The following IRX1 variants were observed in gnomAD, a reference collection of about 807,000 sequenced individuals.
IRX1 encodes iroquois-class homeodomain protein IRX-1.
A neutral mutation model predicts 34.1 loss-of-function variants in IRX1; 22 were observed. That is an observed-to-expected ratio of 0.64 (90% CI 0.46 to 0.92). IRX1 has a LOEUF of 0.92. Ranked by LOEUF, IRX1 falls within the 40% of genes least tolerant of loss-of-function variation. IRX1 has a pLI of 0.00. For synonymous variants in IRX1, 363 were observed against 319.0 expected (o/e 1.14, Z -1.47); for missense variants, 758 against 680.0 (o/e 1.11, Z -1.28).
chr5:3,599,577 C>A lies in IRX1; in HGVS notation c.629C>A (p.Thr210Asn). 6.2e-7 allele frequency: 1 copy of A among 1,614,142 alleles called. No individual in the cohort carries two copies. The stretch of plus-strand genomic sequence containing the variant: ...GATGGAGCGCTCTTCGGCAGCGACA[C>A]CGAGGGCGACCCGGAGAAGGCCGAG... The part of the protein sequence containing the change: ...QEDGALFGSD[T>N]EGDPEKAEDD... The change falls in exon 2 of 4, where the codon ACC (threonine) becomes AAC (asparagine). Residue 210 changes from threonine to asparagine, a missense_variant. This residue lies in a region of IRX1 where 529 missense variants were observed against 418.8 expected (regional missense o/e 1.26). Coordinates refer to ENST00000302006, the MANE Select transcript of IRX1 (RefSeq NM_024337.4). This position sits in a 1 kb window ranked among gnomAD's most constrained non-coding sequence, Gnocchi z 6.6.
chr5:3,597,132 T>C (rs1345262134), intron 1 of IRX1, among the ~76,000 whole-genome samples: 3 of 152,202 alleles, frequency 2.0e-5, no homozygotes, highest in African/African-American at 7.2e-5. Context: ...TAATGGAGGA[T>C]TAAAGAAAAC....
chr5:3,600,370 G>T, intron 2 of IRX1, 110 bp downstream of exon 2: 2 of 1,118,482 alleles, frequency 1.8e-6, no homozygotes, highest in Non-Finnish European at 2.5e-6. Flanking sequence ...GGCAGTGGCC[G>T]CTGAGCCCTG....
intron 1 of IRX1, among the ~76,000 whole-genome samples, chr5:3,597,428 G>T (rs572141647): frequency 1.4e-4 from 21 of 152,324 alleles, no homozygotes; most frequent in Middle Eastern, 3.4e-3. Context: ...CCCGCTCCCC[G>T]CAGGAGAAGC....
Position 3,599,202 on chromosome 5 carries a change from A to T in IRX1, c.277-23A>T, listed in dbSNP as rs565251270. On this transcript the variant is annotated intron_variant, in intron 1 of 3. Transcript: ENST00000302006. The surrounding 1 kb of genome is among the most constrained non-coding windows in gnomAD (Gnocchi z 6.6). ...TCCACTTCCCTCCTCTCTCTCCTCG[A>T]TGGATCTGCCCTGTGGCTTCAGGGC... is the stretch of plus-strand genomic sequence containing the variant. 2 of 1,596,202 alleles carry T rather than the reference A, an allele frequency of 1.3e-6. No individual in the cohort carries two copies. Among genetic ancestry groups the T allele is most frequent in the East Asian group, 2.2e-5 (1 of 44,496 alleles).
Position 3,600,206 on chromosome 5 carries a change from C to A in IRX1, c.1258C>A (p.Pro420Thr). 1 of 1,611,084 alleles carries A rather than the reference C, an allele frequency of 6.2e-7. No homozygotes were observed. The highest frequency in any genetic ancestry group is 8.5e-7 in the Non-Finnish European group (1 of 1,179,212). The change falls in exon 2 of 4, where the codon CCG becomes ACG. Residue 420 changes from proline (P) to threonine (T), a missense_variant. This residue lies in a region of IRX1 where 529 missense variants were observed against 418.8 expected (regional missense o/e 1.26). Transcript: ENST00000302006. ...ACCGCAGCCGCCGGTCGCTATTGCC[C>A]CGGGGGCACTCAATGGAGACAAGGC... ...PPPQPPVAIA[P>T]GALNGDKASV...
chr5:3,596,191 C>G lies in IRX1; in HGVS notation c.86C>G (p.Ala29Gly). The change falls in exon 1 of 4, where the codon GCC (alanine) becomes GGC (glycine). Residue 29 changes from alanine (A) to glycine (G), a missense_variant. Ala to Gly is a moderately conservative substitution (Grantham distance 60). Transcript: ENST00000302006. ...AYGGERPGVL[A>G]AAAAAAAAAS... is the part of the protein sequence containing the mutation. ...GGCGGCGAGCGCCCGGGGGTGCTGG[C>G]CGCGGCCGCTGCGGCGGCTGCCGCC... 5.8e-6 allele frequency: 6 copies of G among 1,031,024 alleles called. No individual in the cohort carries two copies. Among genetic ancestry groups the G allele is most frequent in the Non-Finnish European group, 7.0e-6 (6 of 861,634 alleles). 63.9% of individuals were successfully genotyped at this position (1,031,024 alleles called of 1,614,324 possible).
rs1403888330 is a variant in IRX1 at position 3,599,187 on chromosome 5, T to A, written c.277-38T>A. ...CTCTCCCTTTCTCTCTCCACTTCCC[T>A]CCTCTCTCTCCTCGATGGATCTGCC... On this transcript the variant is annotated intron_variant, in intron 1 of 3. Transcript: ENST00000302006. This position sits in a 1 kb window ranked among gnomAD's most constrained non-coding sequence, Gnocchi z 6.6. 1.3e-6 allele frequency: 2 copies of A among 1,572,974 alleles called. No individual in the cohort carries two copies. Among genetic ancestry groups the A allele is most frequent in the Admixed American group, 3.5e-5 (2 of 57,928 alleles).
rs1359663666 is a variant in IRX1 at position 3,600,599 on chromosome 5, T to C, written c.1313-10T>C. 1.2e-6 allele frequency: 2 copies of C among 1,612,394 alleles called. No individual in the cohort carries two copies. Among genetic ancestry groups the C allele is most frequent in the Non-Finnish European group, 8.5e-7 (1 of 1,178,854 alleles). ...TCCGTCCTAACTCTGCCTCTTCCGA[T>C]CTCTCGCAGAGAGAGACCTCGTCCC... On this transcript the variant is annotated splice_polypyrimidine_tract_variant and intron_variant, in intron 2 of 3. Transcript: ENST00000302006.
chr5:3,596,129 C>G lies in IRX1; in HGVS notation c.24C>G (p.Tyr8Ter). The change falls in exon 1 of 4, where the codon TAC (tyrosine) becomes TAG (stop). Residue 8 changes from tyrosine to a stop codon, truncating the protein, a stop_gained. Coordinates refer to ENST00000302006, the MANE Select transcript of IRX1 (RefSeq NM_024337.4). LOFTEE classifies it high-confidence loss of function. The part of the protein sequence containing the change: MSFPQLG[Y>*]PQYLSAAGPG... ...ACATGTCCTTCCCGCAGCTGGGCTA[C>G]CCGCAGTACCTGAGCGCCGCGGGGC... 9.5e-7 allele frequency: 1 copy of G among 1,049,904 alleles called. No homozygotes were observed. Among genetic ancestry groups the G allele is most frequent in the Non-Finnish European group, 1.1e-6 (1 of 872,570 alleles). The allele number at this position is 1,049,904 out of a possible 1,614,324, so 65.0% of individuals were successfully genotyped here. A position where few individuals can be genotyped will look rare whatever the true frequency, so the allele number is the denominator to read the frequency against.
chr5:3,599,846 G>A lies in IRX1; in HGVS notation c.898G>A (p.Gly300Ser). ...GGGCAGCACGCGCCTGCTGAGCCCC[G>A]GCGCTGCAGCGGGCGGCCTGCAGGG... ...EPGSTRLLSP[G>S]AAAGGLQGAP... Residue 300 changes from glycine (G) to serine (S), a missense_variant, in exon 2 of 4, where the codon GGC becomes AGC. Gly to Ser is a moderately conservative substitution (Grantham distance 56). Transcript: ENST00000302006. The surrounding 1 kb of genome is among the most constrained non-coding windows in gnomAD (Gnocchi z 6.6). 2 of 1,538,184 alleles carry A rather than the reference G, an allele frequency of 1.3e-6. No individual in the cohort carries two copies. Among genetic ancestry groups the A allele is most frequent in the Non-Finnish European group, 8.7e-7 (1 of 1,145,478 alleles).
intron 1 of IRX1, among the ~76,000 whole-genome samples, 160 bp downstream of exon 1, chr5:3,596,541 G>T (rs1232971556): frequency 6.6e-6 from 1 of 151,894 alleles, no homozygotes; most frequent in Non-Finnish European, 1.5e-5. Context: ...CGCGGCCCCC[G>T]GGGACGCAAG....
chr5:3,600,917 C>A, intron 3 of IRX1, 66 bp from the exon 4 acceptor site: 1 of 1,526,510 alleles, frequency 6.6e-7, no homozygotes. Context: ...GAACCGGCGT[C>A]GCCCGGCGCT....
chr5:3,596,094 G>A lies in IRX1; in HGVS notation c.-12G>A, dbSNP rs1743682459. 1 of 1,064,572 alleles carries A rather than the reference G, an allele frequency of 9.4e-7. No homozygotes were observed. Among genetic ancestry groups the A allele is most frequent in the East Asian group, 6.5e-5 (1 of 15,460 alleles). The allele number at this position is 1,064,572 out of a possible 1,614,324, so 65.9% of individuals were successfully genotyped here. ...ATACTCGCCCGCTGCGGCGGTCGCC[G>A]AGTCCGCGGACATGTCCTTCCCGCA... On this transcript the variant is annotated 5_prime_UTR_variant, in exon 1 of 4. Transcript: ENST00000302006.
In IRX1 at chr5:3,596,092, C is replaced by T; in HGVS notation, c.-14C>T. ...TAATACTCGCCCGCTGCGGCGGTCGCCGAGTCCGCGGACATGTCCTTCCCG... is the reference window on the plus strand; with the variant it reads ...TAATACTCGCCCGCTGCGGCGGTCGTCGAGTCCGCGGACATGTCCTTCCCG... On this transcript the variant is annotated 5_prime_UTR_variant, in exon 1 of 4. Coordinates refer to ENST00000302006, the MANE Select transcript of IRX1 (RefSeq NM_024337.4). The T allele has an allele frequency of 9.4e-7, 1 of 1,066,678 alleles. No homozygotes were observed. The allele number at this position is 1,066,678 out of a possible 1,614,324, so 66.1% of individuals were successfully genotyped here.
rs370233658 is a variant in IRX1, at chr5:3,599,712, C to T, written c.764C>T (p.Pro255Leu). The change falls in exon 2 of 4, where the codon CCC (proline) becomes CTC (leucine). Residue 255 changes from proline to leucine, a missense_variant. Pro to Leu is a moderately conservative substitution (Grantham distance 98). This residue lies in a region of IRX1 where 529 missense variants were observed against 418.8 expected (regional missense o/e 1.26). Coordinates refer to ENST00000302006, the MANE Select transcript of IRX1 (RefSeq NM_024337.4). The surrounding 1 kb of genome is among the most constrained non-coding windows in gnomAD (Gnocchi z 6.6). ...DEDKAEAPHA[P>L]AAPSALARDQ... ...GACAAGGCCGAGGCTCCGCACGCGC[C>T]CGCAGCCCCTTCTGCTCTTGCCCGG... is the stretch of plus-strand genomic sequence containing the variant. The T allele has an allele frequency of 5.5e-5, 88 of 1,612,768 alleles. No homozygotes were observed. Among genetic ancestry groups the T allele is most frequent in the Non-Finnish European group, 7.0e-5 (83 of 1,179,996 alleles).
chr5:3,599,389 C>A lies in IRX1; in HGVS notation c.441C>A (p.Asn147Lys). The change falls in exon 2 of 4, where the codon AAC becomes AAA. Residue 147 changes from asparagine (N) to lysine (K), a missense_variant. Asn to Lys is a moderately conservative substitution (Grantham distance 94). Around this residue, in one of 3 missense-constraint regions of IRX1, gnomAD observed 34 missense variants for 66.2 expected, o/e 0.51. Coordinates refer to ENST00000302006, the MANE Select transcript of IRX1 (RefSeq NM_024337.4). The surrounding 1 kb of genome is among the most constrained non-coding windows in gnomAD (Gnocchi z 6.6). ...ESTSTLKAWLNEHRKNPYPTK... is the reference protein window; with the variant it reads ...ESTSTLKAWLKEHRKNPYPTK... ...CCAGCACGCTCAAGGCCTGGCTCAA[C>A]GAGCACCGCAAGAATCCCTACCCCA... 1 of 1,614,112 alleles carries A rather than the reference C, an allele frequency of 6.2e-7. No individual in the cohort carries two copies. The highest frequency in any genetic ancestry group is 8.5e-7 in the Non-Finnish European group (1 of 1,180,030).
At position 3,600,229 on chromosome 5, in the gene IRX1, G is replaced by A; in HGVS notation, c.1281G>A (p.Lys427=). ...CCCCGGGGGCACTCAATGGAGACAAGGCCTCGGTCCGCAGCAGCCCCACGC... is the reference window on the plus strand; with the variant it reads ...CCCCGGGGGCACTCAATGGAGACAAAGCCTCGGTCCGCAGCAGCCCCACGC... ...AIAPGALNGD[K]ASVRSSPTLP... is the part of the protein sequence containing the mutation. The change falls in exon 2 of 4, where the codon AAG becomes AAA. Residue 427 remains lysine (K), a synonymous_variant. Transcript: ENST00000302006. 1 of 1,604,714 alleles carries A rather than the reference G, an allele frequency of 6.2e-7. No homozygotes were observed. The highest frequency in any genetic ancestry group is 8.5e-7 in the Non-Finnish European group (1 of 1,176,972).
chr5:3,599,071 G>A lies in IRX1; in HGVS notation c.277-154G>A, dbSNP rs558369681. Among the ~76,000 whole-genome samples, 6 of 152,214 alleles carry A rather than the reference G, an allele frequency of 3.9e-5. No individual in the cohort carries two copies. In the East Asian group the frequency reaches 1.2e-3, roughly 30 times the overall value. ...TGACTTCCTGATCTGCCCAGCACAGGAGAGCCCCGCAAAGCGCCTGGGAGG... is the reference window on the plus strand; with the variant it reads ...TGACTTCCTGATCTGCCCAGCACAGAAGAGCCCCGCAAAGCGCCTGGGAGG... On this transcript the variant is annotated intron_variant, in intron 1 of 3. Transcript: ENST00000302006. The surrounding 1 kb of genome is among the most constrained non-coding windows in gnomAD (Gnocchi z 6.6).
intron 2 of IRX1, 90 bp from the exon 3 acceptor site, chr5:3,600,518 TG>T: frequency 8.0e-7 from 1 of 1,243,224 alleles, no homozygotes; most frequent in Non-Finnish European, 1.2e-6. Context: ...CGAATCTGCC[TG>T]GGCAGCCGGC....
Sources: gnomAD v4.1 joint callset for allele counts (sites outside exome capture counted in the v4.1 genomes callset) on GRCh38, gnomAD v4.1.1 for gene constraint, gnomAD v4.1.1 regional missense constraint, Gnocchi (gnomAD v3.1) non-coding constraint, MANE v1.5 for transcripts, NCBI Gene and HGNC (gene_info 2026-07-23, HGNC 2026-07-21) for gene names.